The following NKAIN3 variants were observed in gnomAD, a reference collection of about 807,000 sequenced individuals.
NKAIN3 encodes the protein sodium/potassium transporting ATPase interacting 3.
Under a neutral mutation model 30.2 loss-of-function variants are expected in NKAIN3, and 25 were observed. The ratio of observed to expected loss-of-function variants is 0.83; its 90% CI spans 0.60 to 1.16. The LOEUF (loss-of-function observed/expected upper bound fraction) is 1.16, where lower values mean the gene tolerates loss of function less well. Ranked by LOEUF, NKAIN3 falls within the 50% of genes most tolerant of loss-of-function variation. The pLI is 0.00. For synonymous variants in NKAIN3, 91 were observed against 89.6 expected, an observed-to-expected ratio of 1.02 and a Z score of -0.09; for missense variants, 225 against 254.1, an observed-to-expected ratio of 0.89 and a Z score of 0.78.
At chr8:62,605,025 T>C (rs1811082135) in intron 3 of NKAIN3, among the ~76,000 whole-genome samples, 1 of 152,092 alleles carries the variant, frequency 6.6e-6, no homozygotes, top group Admixed American at 6.6e-5. Context: ...GTCATCTAAG[T>C]AAGTTCTGGC....
At chr8:62,263,076 T>A (rs567770340) in intron 1 of NKAIN3, among the ~76,000 whole-genome samples, 154 of 152,316 alleles carry the variant, frequency 1.0e-3, no homozygotes, top group African/African-American at 3.6e-3. Context: ...TTCTTGATTT[T>A]TGTCCCACTA....
intron 1 of NKAIN3, among the ~76,000 whole-genome samples, chr8:62,521,950 A>G (rs911061984): frequency 6.6e-6 from 1 of 152,128 alleles, no homozygotes; most frequent in Admixed American, 6.6e-5. Flanking sequence ...AGAAGCTATC[A>G]TTGTGTTAGT....
Position 62,351,134 on chromosome 8 carries a change from A to T in NKAIN3, c.54+102007A>T, listed in dbSNP as rs1016665485. Among the ~76,000 whole-genome samples the T allele has an allele frequency of 5.4e-5, 8 of 149,134 alleles. No homozygotes were observed. In the East Asian group the frequency reaches 1.4e-3, roughly 25 times the overall value. ...ATATATTAACATATATACTATAAAA[A>T]GTTATGTAAATGTTAGAATAGATAA... On this transcript the variant is annotated intron_variant, in intron 1 of 6. Transcript: ENST00000623646.
At chr8:62,745,897 A>G (rs1816053739) in intron 3 of NKAIN3, among the ~76,000 whole-genome samples, 1 of 152,210 alleles carries the variant, frequency 6.6e-6, no homozygotes, top group Non-Finnish European at 1.5e-5. Context: ...AACACTGCAC[A>G]GGATTACATC....
At chr8:62,543,191 C>G (rs1176103482) in intron 1 of NKAIN3, among the ~76,000 whole-genome samples, 1 of 152,154 alleles carries the variant, frequency 6.6e-6, no homozygotes. Context: ...ATCTGGTTGT[C>G]TGAGACTGAT....
chr8:62,794,258 A>T (rs1033850753), intron 4 of NKAIN3, among the ~76,000 whole-genome samples: 1 of 152,300 alleles, frequency 6.6e-6, no homozygotes, highest in South Asian at 2.1e-4. Context: ...TTTTTTTAAC[A>T]TGTCCAGATT....
intron 1 of NKAIN3, among the ~76,000 whole-genome samples, chr8:62,484,157 T>G (rs1806826271): frequency 1.3e-5 from 2 of 152,226 alleles, no homozygotes; most frequent in Non-Finnish European, 2.9e-5. Flanking sequence ...TGGCCCTCTC[T>G]GATGGGTTCC....
intron 1 of NKAIN3, among the ~76,000 whole-genome samples, chr8:62,449,209 C>T (rs962408453): frequency 3.3e-5 from 5 of 151,928 alleles, no homozygotes; most frequent in African/African-American, 7.2e-5. Flanking sequence ...GTATTTTCCA[C>T]GATTGCACAC....
At chr8:62,477,969 A>G (rs189267348) in intron 1 of NKAIN3, among the ~76,000 whole-genome samples, 31 of 152,278 alleles carry the variant, frequency 2.0e-4, no homozygotes, top group African/African-American at 7.2e-4. Context: ...TTTTATGTGA[A>G]TAGAGGTATT....
At chr8:62,919,718 A>G (rs909699567) in intron 5 of NKAIN3, among the ~76,000 whole-genome samples, 15 of 152,152 alleles carry the variant, frequency 9.9e-5, no homozygotes, top group South Asian at 2.1e-4. Flanking sequence ...CCAGAACACA[A>G]CCTCAAAGGG....
intron 4 of NKAIN3, among the ~76,000 whole-genome samples, chr8:62,851,550 T>C (rs1819898608): frequency 6.6e-6 from 1 of 152,192 alleles, no homozygotes; most frequent in African/African-American, 2.4e-5. Flanking sequence ...TCAAAGGGAA[T>C]GCTTCCAGGT....
chr8:62,823,562 A>G (rs1367399887), intron 4 of NKAIN3, among the ~76,000 whole-genome samples: 1 of 152,192 alleles, frequency 6.6e-6, no homozygotes, highest in African/African-American at 2.4e-5. Context: ...TTTCAACAAA[A>G]AGAAGAATGT....
At chr8:62,866,127 A>T (rs560866783) in intron 4 of NKAIN3, among the ~76,000 whole-genome samples, 1 of 152,384 alleles carries the variant, frequency 6.6e-6, no homozygotes, top group African/African-American at 2.4e-5. Context: ...ATTTCACTTT[A>T]AAAATGTAAA....
chr8:62,444,160 T>C (rs1163395151), intron 1 of NKAIN3, among the ~76,000 whole-genome samples: 1 of 152,150 alleles, frequency 6.6e-6, no homozygotes, highest in Non-Finnish European at 1.5e-5. Flanking sequence ...AATTTCATAA[T>C]TTATATAATA....
At chr8:62,905,832 G>A (rs879287169) in intron 4 of NKAIN3, among the ~76,000 whole-genome samples, 15 of 152,142 alleles carry the variant, frequency 9.9e-5, no homozygotes, top group Non-Finnish European at 2.1e-4. Flanking sequence ...TGATGCTCCA[G>A]AACTTCATCC....
At chr8:62,817,400 G>A (rs181209508) in intron 4 of NKAIN3, among the ~76,000 whole-genome samples, 4 of 151,996 alleles carry the variant, frequency 2.6e-5, no homozygotes, top group East Asian at 1.9e-4. Context: ...AATTTGTTTC[G>A]AGTGGGAAGT....
At chr8:62,450,623 C>G (rs987427865) in intron 1 of NKAIN3, among the ~76,000 whole-genome samples, 4 of 152,166 alleles carry the variant, frequency 2.6e-5, no homozygotes, top group African/African-American at 9.6e-5. Context: ...GTTCAGAAAA[C>G]TTCACTGGCC....
rs952105576 is a variant in NKAIN3 at position 62,733,568 on chromosome 8, CT to C, written c.274-13356del. On this transcript the variant is annotated intron_variant, in intron 3 of 6. Coordinates refer to ENST00000623646, the MANE Select transcript of NKAIN3 (RefSeq NM_001304533.3). ...TCTCTTGACTGCGTTTTAATAACTT[CT>C]TTTTTTTAATTTAATATGTTATTAT... Among the ~76,000 whole-genome samples, 37 of 151,872 alleles carry C rather than the reference CT, an allele frequency of 2.4e-4. 1 individual carries two copies. Among genetic ancestry groups the C allele is most frequent in the Admixed American group, 2.0e-3 (31 of 15,236 alleles).
chr8:62,646,138 G>GAAA (rs75073790), intron 3 of NKAIN3, among the ~76,000 whole-genome samples: 3 of 116,182 alleles, frequency 2.6e-5, no homozygotes, highest in Non-Finnish European at 1.9e-5. Flanking sequence ...CCTCATTCTG[G>GAAA]AAAAAAAAAA....
Sources: gnomAD v4.1 joint callset for allele counts (sites outside exome capture counted in the v4.1 genomes callset) on GRCh38, gnomAD v4.1.1 for gene constraint, MANE v1.5 for transcripts, NCBI Gene and HGNC (gene_info 2026-07-23, HGNC 2026-07-21) for gene names.